Variants in EPHA5 observed in about 807,000 individuals in gnomAD.
EPHA5 encodes EPH receptor A5.
A neutral mutation model predicts 105.0 loss-of-function variants in EPHA5; 60 were observed. That is an observed-to-expected ratio of 0.57 (90% CI 0.46 to 0.71). The LOEUF (loss-of-function observed/expected upper bound fraction) is 0.71. Among genes scored for constraint, EPHA5 ranks in the 30% least tolerant of loss-of-function variants. The pLI is 0.00. For missense variants in EPHA5, 1,218 were observed against 1,274.7 expected, an observed-to-expected ratio of 0.96 and a Z score of 0.68; for synonymous variants, 513 against 449.1, an observed-to-expected ratio of 1.14 and a Z score of -1.80.
intron 11 of EPHA5, among the ~76,000 whole-genome samples, chr4:65,364,770 C>T (rs943586015): frequency 6.6e-6 from 1 of 151,396 alleles, no homozygotes; most frequent in Non-Finnish European, 1.5e-5. Flanking sequence ...CTTCTTTTAT[C>T]TGGATACATT....
rs576966176 is a variant in EPHA5, at chr4:65,344,613, A to C, written c.2595+3441T>G. On this transcript the variant is annotated intron_variant, in intron 14 of 16. Transcript: ENST00000613740. ...GTGAAGTAGACACGTGGTAGAAACCAGTATATCAAGGCTCGCTGCCAGGAT... is the reference window on the plus strand; with the variant it reads ...GTGAAGTAGACACGTGGTAGAAACCCGTATATCAAGGCTCGCTGCCAGGAT... 7.2e-5 allele frequency among the ~76,000 whole-genome samples: 11 copies of C among 152,314 alleles called. 1 individual carries two copies. The South Asian group carries it at 2.3e-3, about 32-fold the overall frequency.
At chr4:65,599,747 C>T (rs530083844) in intron 3 of EPHA5, among the ~76,000 whole-genome samples, 2 of 152,196 alleles carry the variant, frequency 1.3e-5, no homozygotes, top group Admixed American at 6.5e-5. Context: ...CCAGTTAATC[C>T]AATGTCCATC....
At position 65,420,571 on chromosome 4, in the gene EPHA5, A is replaced by C. The variant is rs1723851672; in HGVS notation, c.1403-6T>G. The C allele has an allele frequency of 6.2e-7, 1 of 1,611,532 alleles. No individual in the cohort carries two copies. The highest frequency in any genetic ancestry group is 1.7e-5 in the Admixed American group (1 of 59,666). On this transcript the variant is annotated splice_polypyrimidine_tract_variant and splice_region_variant and intron_variant, in intron 5 of 16. Transcript: ENST00000613740. ...ATTGGTGACTGGAGATGGAGCTGCA[A>C]AATAGTTTAAATAAGGAGCAGTATG... is the stretch of plus-strand genomic sequence containing the variant.
At chr4:65,544,669 A>C (rs1277941473) in intron 3 of EPHA5, among the ~76,000 whole-genome samples, 1 of 151,918 alleles carries the variant, frequency 6.6e-6, no homozygotes, top group Non-Finnish European at 1.5e-5. Context: ...ACAGTGTGGC[A>C]ATTCCTCAAA....
rs1731280430 is a variant in EPHA5, at chr4:65,490,391, G to C, written c.1388C>G (p.Thr463Ser). ...GARQYVSVNV[T>S]TNQAAPSPVT... ...ATGGCACTTACCTGCTTGATTTGTG[G>C]TTACATTTACAGACACATACTGCCG... Residue 463 changes from threonine to serine, a missense_variant, in exon 5 of 17, where the codon ACC (threonine) becomes AGC (serine). Thr to Ser is a moderately conservative substitution (Grantham distance 58, BLOSUM62 1). Around this residue, in one of 3 missense-constraint regions of EPHA5, gnomAD observed 971 missense variants for 1,013.5 expected, o/e 0.96. Transcript: ENST00000613740. 6.2e-7 allele frequency: 1 copy of C among 1,613,606 alleles called. No homozygotes were observed. Among genetic ancestry groups the C allele is most frequent in the South Asian group, 1.1e-5 (1 of 91,068 alleles).
rs1577894276 is a variant in EPHA5 at position 65,353,030 on chromosome 4, C to G, written c.2235+12G>C. ...TAACACCTTGAATAACTAAATTATT[C>G]CCCAATCCTACCTTCAAAAATGTAT... On this transcript the variant is annotated intron_variant, in intron 12 of 16. Coordinates refer to ENST00000613740, the MANE Select transcript of EPHA5 (RefSeq NM_001281766.3). 1 of 1,510,982 alleles carries G rather than the reference C, an allele frequency of 6.6e-7. No homozygotes were observed. The highest frequency in any genetic ancestry group is 9.0e-7 in the Non-Finnish European group (1 of 1,115,314). The allele number at this position is 1,510,982 out of a possible 1,614,324, so 93.6% of individuals were successfully genotyped here. A position where few individuals can be genotyped will look rare whatever the true frequency, so the allele number is the denominator to read the frequency against.
chr4:65,545,125 A>G (rs1032768665), intron 3 of EPHA5, among the ~76,000 whole-genome samples: 3 of 151,934 alleles, frequency 2.0e-5, no homozygotes, highest in Non-Finnish European at 2.9e-5. Flanking sequence ...ATGCACAAAT[A>G]TATGTAGTCT....
At chr4:65,579,475 A>G (rs1741401142) in intron 3 of EPHA5, among the ~76,000 whole-genome samples, 1 of 150,968 alleles carries the variant, frequency 6.6e-6, no homozygotes, top group Non-Finnish European at 1.5e-5. Context: ...ATGCCTGAAT[A>G]TGGCAAAATG....
intron 5 of EPHA5, among the ~76,000 whole-genome samples, chr4:65,457,227 A>G (rs1189035805): frequency 1.3e-5 from 2 of 152,192 alleles, no homozygotes; most frequent in Non-Finnish European, 2.9e-5. Context: ...GATTTAGTTC[A>G]GTGAAGGCTG....
chr4:65,548,816 A>G (rs1022814213), intron 3 of EPHA5, among the ~76,000 whole-genome samples: 1 of 152,070 alleles, frequency 6.6e-6, no homozygotes, highest in South Asian at 2.1e-4. Flanking sequence ...CCTAAACTCA[A>G]GGTCTCTCAT....
intron 3 of EPHA5, among the ~76,000 whole-genome samples, chr4:65,502,457 A>T (rs1371222721): frequency 6.6e-6 from 1 of 151,656 alleles, no homozygotes; most frequent in African/African-American, 2.4e-5. Context: ...ACATGAACAA[A>T]CACTTCTCAA....
intron 3 of EPHA5, among the ~76,000 whole-genome samples, chr4:65,503,451 C>T (rs2149245284): frequency 6.6e-6 from 1 of 151,616 alleles, no homozygotes; most frequent in East Asian, 1.9e-4. Context: ...GGTTAACTGG[C>T]TAACTAGAAT....
At chr4:65,658,110 T>C (rs1423500809) in intron 1 of EPHA5, among the ~76,000 whole-genome samples, 2 of 152,036 alleles carry the variant, frequency 1.3e-5, no homozygotes, top group Non-Finnish European at 2.9e-5. Flanking sequence ...CTCAGTATGA[T>C]AGGCAACACC....
At chr4:65,507,184 T>G (rs775998931) in intron 3 of EPHA5, among the ~76,000 whole-genome samples, 5 of 152,116 alleles carry the variant, frequency 3.3e-5, no homozygotes, top group Non-Finnish European at 5.9e-5. Flanking sequence ...TGTAGATATG[T>G]GGCATTATTT....
Position 65,323,714 on chromosome 4 carries a change from T to A in EPHA5, c.*400A>T, listed in dbSNP as rs551721522. The A allele has an allele frequency of 1.8e-4, 41 of 231,182 alleles. No homozygotes were observed. The highest frequency in any genetic ancestry group is 9.1e-4 in the African/African-American group (41 of 45,290). 14.3% of individuals were successfully genotyped at this position (231,182 alleles called of 1,614,324 possible). On this transcript the variant is annotated 3_prime_UTR_variant, in exon 17 of 17. Transcript: ENST00000613740. ...TCAGTAAACTGTAGCTTTTGTTAGC[T>A]CACAAATGGCTATAAAACATTTCCT...
intron 5 of EPHA5, among the ~76,000 whole-genome samples, chr4:65,446,839 A>T (rs1726583097): frequency 6.6e-6 from 1 of 152,228 alleles, no homozygotes; most frequent in Admixed American, 6.6e-5. Context: ...TCAAGTAATA[A>T]CAAAAGCAGG....
At position 65,565,348 on chromosome 4, in the gene EPHA5, C is replaced by A. The variant is rs563759616; in HGVS notation, c.910+36293G>T. ...ATTCAATCCAATTTCATTTCAATAA[C>A]TCTTTTTAAGCCTTCACAAAGTATT... On this transcript the variant is annotated intron_variant, in intron 3 of 16. Transcript: ENST00000613740. 2.5e-3 allele frequency among the ~76,000 whole-genome samples: 385 copies of A among 151,768 alleles called. 2 individuals carry two copies. The highest frequency in any genetic ancestry group is 4.1e-3 in the Non-Finnish European group (279 of 67,696).
At chr4:65,635,266 C>T (rs1181478841) in intron 2 of EPHA5, among the ~76,000 whole-genome samples, 4 of 152,046 alleles carry the variant, frequency 2.6e-5, no homozygotes, top group Non-Finnish European at 5.9e-5. Flanking sequence ...AGGCACAGAG[C>T]AACTTACTTT....
intron 3 of EPHA5, among the ~76,000 whole-genome samples, chr4:65,548,330 G>A (rs1737582739): frequency 6.7e-6 from 1 of 149,956 alleles, no homozygotes; most frequent in Non-Finnish European, 1.5e-5. Flanking sequence ...GATAAAGTAG[G>A]AGAGTTAGTC....
Sources: allele counts gnomAD v4.1 joint callset (sites outside exome capture counted in the v4.1 genomes callset), GRCh38; gene constraint gnomAD v4.1.1; regional missense constraint gnomAD v4.1.1; transcripts MANE v1.5; gene names NCBI Gene and HGNC (gene_info 2026-07-23, HGNC 2026-07-21).